The following MGST1 variants were observed in gnomAD, a reference collection of about 807,000 sequenced individuals.
MGST1 encodes the protein microsomal glutathione S-transferase 1.
Under a neutral mutation model 8.9 loss-of-function variants are expected in MGST1, and 5 were observed. The observed-to-expected ratio is 0.56, with a 90% CI of 0.29 to 1.19. MGST1 has a LOEUF of 1.19. MGST1 is among the 50% of genes most tolerant of loss of function. The pLI is 0.08. For synonymous variants in MGST1, 54 were observed against 67.8 expected (o/e 0.80, Z 1.00); for missense variants, 182 against 187.4 (o/e 0.97, Z 0.17).
intron 1 of MGST1, among the ~76,000 whole-genome samples, chr12:16,393,411 C>T (rs1291965584): frequency 6.6e-6 from 1 of 152,222 alleles, no homozygotes; most frequent in South Asian, 2.1e-4. Context: ...CTCTCAGAGC[C>T]TTTCAGGGCA....
chr12:16,459,261 G>A (rs1448132730), intron 4 of MGST1, among the ~76,000 whole-genome samples: 2 of 152,018 alleles, frequency 1.3e-5, no homozygotes, highest in Non-Finnish European at 2.9e-5. Context: ...CTCAAGAAGT[G>A]TGGGTATAAT....
chr12:16,427,518 G>A (rs1373972862), intron 1 of MGST1, among the ~76,000 whole-genome samples: 8 of 152,104 alleles, frequency 5.3e-5, no homozygotes, highest in Non-Finnish European at 1.5e-5. Flanking sequence ...GAGTAGCTGG[G>A]ATTACAGGGT....
At chr12:16,409,380 T>C (rs1940722867) in intron 1 of MGST1, among the ~76,000 whole-genome samples, 1 of 152,124 alleles carries the variant, frequency 6.6e-6, no homozygotes, top group Admixed American at 6.6e-5. Context: ...AGAGCCTTTA[T>C]TACCCACAAA....
rs757894974 is a variant in MGST1, at chr12:16,363,771, T to C, written c.222-24T>C. ...TATCTAGTATTTTGAAATTAGTGTC[T>C]TTAATAGTTATCTTTTTCCACAGAG... is the stretch of plus-strand genomic sequence containing the variant. On this transcript the variant is annotated intron_variant, in intron 3 of 3. Coordinates refer to ENST00000396210, the MANE Select transcript of MGST1 (RefSeq NM_020300.5). The surrounding 1 kb of genome is among the most constrained non-coding windows in gnomAD (Gnocchi z 4.6). 145 of 1,568,520 alleles carry C rather than the reference T, an allele frequency of 9.2e-5. No homozygotes were observed. Among genetic ancestry groups the C allele is most frequent in the Non-Finnish European group, 2.6e-6 (3 of 1,149,878 alleles).
intron 4 of MGST1, among the ~76,000 whole-genome samples, chr12:16,453,773 A>G (rs981469357): frequency 1.3e-5 from 2 of 151,798 alleles, no homozygotes; most frequent in African/African-American, 2.4e-5. Flanking sequence ...CTCTGCCTTC[A>G]TCTTCGCCTG....
intron 3 of MGST1, among the ~76,000 whole-genome samples, chr12:16,371,364 T>C (rs889059668): frequency 6.6e-6 from 1 of 152,148 alleles, no homozygotes; most frequent in East Asian, 1.9e-4. Context: ...AGATGCTTGG[T>C]ATACAACAAG....
chr12:16,562,466 C>T (rs1453517280), intron 4 of MGST1, among the ~76,000 whole-genome samples: 1 of 152,176 alleles, frequency 6.6e-6, no homozygotes, highest in African/African-American at 2.4e-5. Flanking sequence ...AAATTCTGGA[C>T]GTAGTTTTCC....
chr12:16,454,014 G>C (rs1941150169), intron 4 of MGST1, among the ~76,000 whole-genome samples: 1 of 151,920 alleles, frequency 6.6e-6, no homozygotes, highest in South Asian at 2.1e-4. Flanking sequence ...TGAAAGAAAA[G>C]GGATGTTTAA....
At chr12:16,530,487 A>G (rs780463466) in intron 4 of MGST1, among the ~76,000 whole-genome samples, 2 of 152,114 alleles carry the variant, frequency 1.3e-5, no homozygotes, top group Non-Finnish European at 2.9e-5. Flanking sequence ...AGTTTTATAA[A>G]ACCTGCCTTC....
chr12:16,569,287 C>G (rs1476896059), intron 4 of MGST1, among the ~76,000 whole-genome samples: 1 of 152,150 alleles, frequency 6.6e-6, no homozygotes, highest in Non-Finnish European at 1.5e-5. Flanking sequence ...TTCCTTCTCA[C>G]TATACTTCTT....
intron 1 of MGST1, among the ~76,000 whole-genome samples, chr12:16,429,184 CA>C (rs778814447): frequency 1.3e-5 from 2 of 152,060 alleles, no homozygotes; most frequent in Non-Finnish European, 2.9e-5. Flanking sequence ...TTGTGCCTTG[CA>C]CTTCTGAATC....
chr12:16,433,224 G>T (rs939530727), intron 1 of MGST1, among the ~76,000 whole-genome samples: 4 of 152,068 alleles, frequency 2.6e-5, no homozygotes, highest in Non-Finnish European at 5.9e-5. Context: ...TCTTCTGCCT[G>T]CTTTCTATTC....
At chr12:16,449,097 A>G (rs2137110973) in intron 4 of MGST1, among the ~76,000 whole-genome samples, 2 of 152,082 alleles carry the variant, frequency 1.3e-5, no homozygotes, top group Admixed American at 1.3e-4. Context: ...ATTCTTTTGC[A>G]TTGCCATTAA....
At position 16,426,919 on chromosome 12, in the gene MGST1, C is replaced by T. The variant is rs12227506; in HGVS notation, n.779-10469C>T. ...CCAGGAGGCCGAGCTTGCAGTGAGC[C>T]GAGATCACACCACTGCCTCCATCCT... is the stretch of plus-strand genomic sequence containing the variant. On this transcript the variant is annotated intron_variant and non_coding_transcript_variant, in intron 1 of 1. Coordinates refer to the MGST1 transcript ENST00000359720. 9.3e-3 allele frequency among the ~76,000 whole-genome samples: 1,335 copies of T among 142,942 alleles called. 74 individuals are homozygous for T. The East Asian group carries it at 0.17, about 18-fold the overall frequency. 93.8% of individuals were successfully genotyped at this position (142,942 alleles called of 152,430 possible).
chr12:16,439,773 C>A (rs1941023867), downstream of MGST1, among the ~76,000 whole-genome samples: 1 of 151,796 alleles, frequency 6.6e-6, no homozygotes, highest in South Asian at 2.1e-4. Flanking sequence ...TGGCCATAAC[C>A]TGCTTCATTA....
intron 4 of MGST1, among the ~76,000 whole-genome samples, chr12:16,488,074 C>G (rs1322242670): frequency 6.6e-6 from 1 of 152,124 alleles, no homozygotes; most frequent in African/African-American, 2.4e-5. Context: ...AGAGATATTG[C>G]AGTAACCGTT....
At chr12:16,514,295 C>A (rs1351281245) in intron 4 of MGST1, 3 of 299,768 alleles carry the variant, frequency 1.0e-5, no homozygotes, top group East Asian at 2.1e-4. Context: ...AGGGTAGAGT[C>A]ACATTTGAAG....
intron 4 of MGST1, among the ~76,000 whole-genome samples, chr12:16,538,857 C>T (rs1250827119): frequency 3.3e-5 from 5 of 152,070 alleles, no homozygotes; most frequent in African/African-American, 1.2e-4. Context: ...ATCCACCCAC[C>T]TCGGCCTCCC....
chr12:16,423,765 C>A (rs1366420794), intron 1 of MGST1, among the ~76,000 whole-genome samples: 1 of 152,140 alleles, frequency 6.6e-6, no homozygotes, highest in Non-Finnish European at 1.5e-5. Flanking sequence ...CTCCTCTAAC[C>A]AAGAGCACCA....
Sources: gnomAD v4.1 joint callset for allele counts (sites outside exome capture counted in the v4.1 genomes callset) on GRCh38, gnomAD v4.1.1 for gene constraint, Gnocchi (gnomAD v3.1) non-coding constraint, MANE v1.5 for transcripts, NCBI Gene and HGNC (gene_info 2026-07-23, HGNC 2026-07-21) for gene names.